CYFIP2: variants seen among roughly 807,000 people sequenced by gnomAD.
The protein encoded by CYFIP2 is cytoplasmic FMR1-interacting protein 2.
Under a neutral mutation model 158.7 loss-of-function variants are expected in CYFIP2, and 29 were observed. That is an observed-to-expected ratio of 0.18 (90% CI 0.14 to 0.25). The LOEUF (loss-of-function observed/expected upper bound fraction) is 0.25. CYFIP2 is among the 10% of genes least tolerant of loss of function. The pLI, the probability that CYFIP2 is intolerant of heterozygous loss-of-function variation, is 1.00. For synonymous variants in CYFIP2, 585 were observed against 617.6 expected, an observed-to-expected ratio of 0.95 and a Z score of 0.78; for missense variants, 852 against 1,639.5, an observed-to-expected ratio of 0.52 and a Z score of 8.29.
chr5:157,326,502 A>C (rs1159690275), intron 18 of CYFIP2, among the ~76,000 whole-genome samples: 1 of 152,212 alleles, frequency 6.6e-6, no homozygotes, highest in South Asian at 2.1e-4. Context: ...GTGCTGCACC[A>C]TGAAGGGCTT....
At chr5:157,281,693 C>G (rs1356218318) in intron 1 of CYFIP2, among the ~76,000 whole-genome samples, 2 of 152,032 alleles carry the variant, frequency 1.3e-5, no homozygotes, top group Non-Finnish European at 2.9e-5. Context: ...GATTTGGGGG[C>G]CACTTTTTAT....
chr5:157,290,768 A>G (rs1400043916), intron 3 of CYFIP2, among the ~76,000 whole-genome samples: 5 of 152,148 alleles, frequency 3.3e-5, no homozygotes, highest in African/African-American at 1.2e-4. Flanking sequence ...CAGTCTTTCT[A>G]AGGTAGCTTA....
chr5:157,319,626 G>T (rs554778771), intron 13 of CYFIP2, 136 bp from the exon 14 acceptor site: 3 of 1,013,002 alleles, frequency 3.0e-6, no homozygotes, highest in Non-Finnish European at 4.3e-6. Context: ...CTAGCCATGC[G>T]CTGGCACTTT....
intron 22 of CYFIP2, 33 bp downstream of exon 22, chr5:157,339,289 G>A (rs773759217): frequency 1.6e-5 from 26 of 1,589,852 alleles, no homozygotes; most frequent in South Asian, 1.2e-4. Context: ...GGGGCCGGGT[G>A]GGGGTTGGGG....
chr5:157,295,512 C>T (rs1758182552), intron 4 of CYFIP2, among the ~76,000 whole-genome samples: 1 of 152,200 alleles, frequency 6.6e-6, no homozygotes, highest in Non-Finnish European at 1.5e-5. Flanking sequence ...GCAATAACTA[C>T]TATTAACAAT....
chr5:157,287,589 G>A (rs1660437177), intron 3 of CYFIP2, among the ~76,000 whole-genome samples: 1 of 152,182 alleles, frequency 6.6e-6, no homozygotes, highest in African/African-American at 2.4e-5. Flanking sequence ...TGATTCATCT[G>A]TGGAGGGCTC....
At position 157,394,345 on chromosome 5, in the gene CYFIP2, A is replaced by G. The variant is rs969901953; in HGVS notation, c.*1345A>G. On this transcript the variant is annotated 3_prime_UTR_variant, in exon 31 of 31. Transcript: ENST00000620254. ...TGTGGCCCTGAGATTTTAAGAACAT[A>G]AAATGTGACATTTGATATTTCTCCA... The G allele has an allele frequency of 6.6e-6, 1 of 152,172 alleles. No individual in the cohort carries two copies. Among genetic ancestry groups the G allele is most frequent in the Admixed American group, 6.5e-5 (1 of 15,282 alleles). 9.4% of individuals were successfully genotyped at this position (152,172 alleles called of 1,614,324 possible).
At chr5:157,280,466 C>T (rs1386110963) in intron 1 of CYFIP2, among the ~76,000 whole-genome samples, 3 of 151,236 alleles carry the variant, frequency 2.0e-5, no homozygotes, top group African/African-American at 7.3e-5. Flanking sequence ...TCAGGTGATC[C>T]ACCCGTCTCA....
At chr5:157,279,202 G>A (rs1771001667) in intron 1 of CYFIP2, among the ~76,000 whole-genome samples, 1 of 152,180 alleles carries the variant, frequency 6.6e-6, no homozygotes, top group Non-Finnish European at 1.5e-5. Context: ...AGGCACTATT[G>A]TAAATTGTCA....
In CYFIP2 at chr5:157,291,707, G is replaced by C. The variant is rs143606000; in HGVS notation, c.208-3076G>C. Among the ~76,000 whole-genome samples, 110 of 152,336 alleles carry C rather than the reference G, an allele frequency of 7.2e-4. 1 individual carries two copies. In the South Asian group the frequency reaches 8.3e-3, roughly 11 times the overall value. On this transcript the variant is annotated intron_variant, in intron 3 of 30. Coordinates refer to ENST00000620254, the MANE Select transcript of CYFIP2 (RefSeq NM_001037333.3). ...GGACAACATGTTACTGATTTTTAAA[G>C]TTCTCTAAATTAATCATTGAAGTGT...
At chr5:157,270,261 G>A (rs1368114814) in intron 1 of CYFIP2, among the ~76,000 whole-genome samples, 2 of 152,210 alleles carry the variant, frequency 1.3e-5, no homozygotes, top group African/African-American at 2.4e-5. Context: ...GTAAAACAGA[G>A]GTGTGTTTAG....
At chr5:157,297,511 A>C (rs1017164756) in intron 5 of CYFIP2, among the ~76,000 whole-genome samples, 2 of 152,250 alleles carry the variant, frequency 1.3e-5, no homozygotes, top group Admixed American at 6.5e-5. Flanking sequence ...GACCCTGGTC[A>C]GAGTAGGTTT....
At chr5:157,283,779 G>A (rs1757167951) in intron 1 of CYFIP2, among the ~76,000 whole-genome samples, 1 of 152,176 alleles carries the variant, frequency 6.6e-6, no homozygotes, top group African/African-American at 2.4e-5. Context: ...TTAGTCTCGG[G>A]GCAGCAGGAC....
intron 3 of CYFIP2, 42 bp from the exon 4 acceptor site, chr5:157,294,741 C>T (rs1393653190): frequency 6.3e-7 from 1 of 1,582,412 alleles, no homozygotes; most frequent in East Asian, 2.2e-5. Context: ...CCTGGTGGCA[C>T]CCGTCTTGTT....
At chr5:157,306,373 C>T (rs988678258) in intron 8 of CYFIP2, among the ~76,000 whole-genome samples, 2 of 152,168 alleles carry the variant, frequency 1.3e-5, no homozygotes, top group African/African-American at 4.8e-5. Flanking sequence ...CAAGCTAAGT[C>T]ACTACCTACC....
chr5:157,367,371 T>C (rs894300248), intron 26 of CYFIP2, among the ~76,000 whole-genome samples: 10 of 152,258 alleles, frequency 6.6e-5, no homozygotes, highest in African/African-American at 2.2e-4. Flanking sequence ...GGGTAAAACC[T>C]CCCCCTGTTG....
intron 21 of CYFIP2, among the ~76,000 whole-genome samples, chr5:157,335,577 G>T (rs560335991): frequency 6.6e-6 from 1 of 152,134 alleles, no homozygotes. Flanking sequence ...ATAAATAATA[G>T]CTTATGGAAA....
intron 28 of CYFIP2, among the ~76,000 whole-genome samples, chr5:157,388,646 A>G (rs1645857330): frequency 6.6e-6 from 1 of 152,164 alleles, no homozygotes; most frequent in Admixed American, 6.5e-5. Flanking sequence ...AATTTGTTCT[A>G]TTTACTTTAC....
At chr5:157,270,098 C>T (rs1296997444) in intron 1 of CYFIP2, among the ~76,000 whole-genome samples, 1 of 152,198 alleles carries the variant, frequency 6.6e-6, no homozygotes, top group Non-Finnish European at 1.5e-5. Flanking sequence ...TTGGGCAACT[C>T]AGATACAGGC....
Sources: allele counts gnomAD v4.1 joint callset (sites outside exome capture counted in the v4.1 genomes callset), GRCh38; gene constraint gnomAD v4.1.1; transcripts MANE v1.5; gene names NCBI Gene and HGNC (gene_info 2026-07-23, HGNC 2026-07-21).